STK32A: variants seen among roughly 807,000 people sequenced by gnomAD.
STK32A encodes serine/threonine kinase 32A.
Under a neutral mutation model 53.2 loss-of-function variants are expected in STK32A, and 41 were observed. The ratio of observed to expected loss-of-function variants is 0.77; its 90% CI spans 0.60 to 1.00. STK32A has a LOEUF of 1.00. Ranked by LOEUF, STK32A falls within the 50% of genes least tolerant of loss-of-function variation. STK32A has a pLI of 0.00. For synonymous variants in STK32A, 166 were observed against 162.8 expected (o/e 1.02, Z -0.15); for missense variants, 458 against 485.8 (o/e 0.94, Z 0.54).
At chr5:147,314,740 C>CTTTT (rs780298418) in intron 4 of STK32A, among the ~76,000 whole-genome samples, 28,890 of 135,554 alleles carry the variant, frequency 0.21, 3,179 homozygotes, top group Non-Finnish European at 0.23. Context: ...CTTTCTTTTT[C>CTTTT]TTTTTTTTTT....
chr5:147,242,828 C>A (rs78737544), intron 2 of STK32A, among the ~76,000 whole-genome samples: 1,629 of 152,230 alleles, frequency 0.011, 13 homozygotes, highest in Non-Finnish European at 0.017. Flanking sequence ...AAATTCAGTA[C>A]ATTTTGTAAA....
chr5:147,353,003 G>A (rs73262243), intron 7 of STK32A, among the ~76,000 whole-genome samples: 6,121 of 152,244 alleles, frequency 0.04, 407 homozygotes, highest in African/African-American at 0.14. Flanking sequence ...ATCACTGAGA[G>A]TGGAGTCTAG....
intron 2 of STK32A, among the ~76,000 whole-genome samples, chr5:147,260,468 A>AG (rs1051692919): frequency 2.0e-5 from 3 of 151,898 alleles, no homozygotes; most frequent in African/African-American, 7.3e-5. Flanking sequence ...CCAAGAAGAA[A>AG]GGGGGGGTTT....
chr5:147,328,114 A>T (rs1257771209), intron 5 of STK32A, among the ~76,000 whole-genome samples: 3 of 152,232 alleles, frequency 2.0e-5, no homozygotes, highest in African/African-American at 4.8e-5. Flanking sequence ...AGCAAGTCTC[A>T]TGAGAGCTCT....
At chr5:147,349,585 G>A (rs781371679) in intron 6 of STK32A, among the ~76,000 whole-genome samples, 1 of 152,126 alleles carries the variant, frequency 6.6e-6, no homozygotes, top group Non-Finnish European at 1.5e-5. Flanking sequence ...ACCTCATAGA[G>A]TGTGTTCCCT....
intron 4 of STK32A, among the ~76,000 whole-genome samples, chr5:147,302,058 C>T (rs1292965999): frequency 1.3e-5 from 2 of 152,076 alleles, no homozygotes; most frequent in Non-Finnish European, 2.9e-5. Context: ...GCCTTAAAGT[C>T]CCTTTTGCCA....
intron 2 of STK32A, among the ~76,000 whole-genome samples, chr5:147,243,993 TCTC>T (rs1753685122): frequency 6.6e-6 from 1 of 152,116 alleles, no homozygotes; most frequent in African/African-American, 2.4e-5. Context: ...TCAGAACATT[TCTC>T]TTCTCGAATT....
intron 8 of STK32A, among the ~76,000 whole-genome samples, chr5:147,367,390 T>C (rs1756806428): frequency 6.6e-6 from 1 of 152,130 alleles, no homozygotes; most frequent in Non-Finnish European, 1.5e-5. Context: ...TAAATAGGTA[T>C]ATAATACATG....
Position 147,271,423 on chromosome 5 carries a change from T to C in STK32A, c.53-6701T>C, listed in dbSNP as rs1204814732. ...CATTAACTGCACAAATTGTAGAGCA[T>C]GTGTGTTTGAACAATATGAAATCTG... On this transcript the variant is annotated intron_variant, in intron 2 of 12. Coordinates refer to ENST00000397936, the MANE Select transcript of STK32A (RefSeq NM_001112724.2). Among the ~76,000 whole-genome samples the C allele has an allele frequency of 3.3e-5, 5 of 152,200 alleles. No homozygotes were observed. In the East Asian group the frequency reaches 7.7e-4, roughly 24 times the overall value.
chr5:147,248,614 G>A (rs1489400351), intron 2 of STK32A, among the ~76,000 whole-genome samples: 1 of 152,084 alleles, frequency 6.6e-6, no homozygotes, highest in Non-Finnish European at 1.5e-5. Flanking sequence ...GTTCTACTTT[G>A]CAATTTGTTT....
intron 2 of STK32A, among the ~76,000 whole-genome samples, chr5:147,266,090 G>C (rs1440989474): frequency 6.6e-6 from 1 of 152,182 alleles, no homozygotes; most frequent in Non-Finnish European, 1.5e-5. Flanking sequence ...TTGCCATAAT[G>C]AGGTATATTT....
intron 11 of STK32A, among the ~76,000 whole-genome samples, chr5:147,381,288 T>A (rs1419810091): frequency 1.3e-5 from 2 of 152,202 alleles, no homozygotes; most frequent in Non-Finnish European, 2.9e-5. Context: ...ATGATGTACT[T>A]GACAAATTTT....
intron 2 of STK32A, among the ~76,000 whole-genome samples, chr5:147,256,873 C>A (rs959357325): frequency 6.6e-6 from 1 of 152,014 alleles, no homozygotes; most frequent in Non-Finnish European, 1.5e-5. Context: ...GGAGGAGGAG[C>A]AACTGTTCCG....
At chr5:147,289,768 G>T (rs866964766) in intron 4 of STK32A, among the ~76,000 whole-genome samples, 5 of 152,100 alleles carry the variant, frequency 3.3e-5, no homozygotes, top group Middle Eastern at 3.4e-3. Flanking sequence ...TTATCACCTT[G>T]TAACAATCAC....
At chr5:147,238,237 T>C (rs1427334665) in intron 1 of STK32A, among the ~76,000 whole-genome samples, 2 of 152,228 alleles carry the variant, frequency 1.3e-5, no homozygotes, top group Admixed American at 6.5e-5. Context: ...GTGGTGACAA[T>C]CTGTTTGATC....
chr5:147,394,103 C>A, the STK32A span: 28 of 1,614,024 alleles, frequency 1.7e-5, no homozygotes, highest in African/African-American at 5.3e-5. Context: ...GCTGAGCGAA[C>A]CCCCTCATCC....
intron 1 of STK32A, among the ~76,000 whole-genome samples, chr5:147,237,162 A>C (rs1313630027): frequency 1.3e-5 from 2 of 151,976 alleles, no homozygotes; most frequent in Non-Finnish European, 2.9e-5. Flanking sequence ...AATACAAAAA[A>C]ATTAGCCGGG....
In STK32A at chr5:147,384,183, T is replaced by C. The variant is rs1039914893; in HGVS notation, c.*200T>C. 4.9e-6 allele frequency: 7 copies of C among 1,429,572 alleles called. No homozygotes were observed. In the African/African-American group the frequency reaches 8.8e-5, roughly 18 times the overall value. The allele number at this position is 1,429,572 out of a possible 1,614,324, so 88.6% of individuals were successfully genotyped here. On this transcript the variant is annotated 3_prime_UTR_variant, in exon 13 of 13. Coordinates refer to ENST00000397936, the MANE Select transcript of STK32A (RefSeq NM_001112724.2). ...GGGATGTCATTTCACATCAATCAAC[T>C]GTGTGATCTAGAGCAAGTCACTTAG...
At chr5:147,241,411 G>A (rs1753572455) in intron 2 of STK32A, among the ~76,000 whole-genome samples, 2 of 152,202 alleles carry the variant, frequency 1.3e-5, no homozygotes, top group South Asian at 2.1e-4. Flanking sequence ...CCCGGGAGGC[G>A]GAGCTTGCAG....
Sources: gnomAD v4.1 joint callset for allele counts (sites outside exome capture counted in the v4.1 genomes callset) on GRCh38, gnomAD v4.1.1 for gene constraint, MANE v1.5 for transcripts, NCBI Gene and HGNC (gene_info 2026-07-23, HGNC 2026-07-21) for gene names.